The following NLGN1 variants were observed in gnomAD, a reference collection of about 807,000 sequenced individuals.
NLGN1 encodes the protein neuroligin 1.
A neutral mutation model predicts 65.5 loss-of-function variants in NLGN1; 12 were observed. That is an observed-to-expected ratio of 0.18 (90% CI 0.12 to 0.30). NLGN1 has a LOEUF of 0.30. Ranked by LOEUF, NLGN1 falls within the 10% of genes least tolerant of loss-of-function variation. The probability of loss-of-function intolerance (pLI) is 1.00; values close to 1 mark genes in which losing one functional copy is unlikely to be tolerated. For synonymous variants in NLGN1, 350 were observed against 359.5 expected, an observed-to-expected ratio of 0.97 and a Z score of 0.30; for missense variants, 750 against 1,007.1, an observed-to-expected ratio of 0.74 and a Z score of 3.46.
At chr3:173,775,148 GTATT>G (rs1780121795) in intron 3 of NLGN1, among the ~76,000 whole-genome samples, 1 of 151,938 alleles carries the variant, frequency 6.6e-6, no homozygotes, top group African/African-American at 2.4e-5. Flanking sequence ...TGTTTTCTGA[GTATT>G]TATAAGAAAT....
intron 2 of NLGN1, among the ~76,000 whole-genome samples, chr3:173,512,011 T>C (rs1437449753): frequency 6.6e-6 from 1 of 152,124 alleles, no homozygotes; most frequent in Non-Finnish European, 1.5e-5. Flanking sequence ...GGTGGAAGCA[T>C]GCAAACAAAC....
chr3:173,779,665 G>A (rs1409710955), intron 3 of NLGN1, among the ~76,000 whole-genome samples: 1 of 152,016 alleles, frequency 6.6e-6, no homozygotes, highest in African/African-American at 2.4e-5. Flanking sequence ...TGTTAATATG[G>A]TTTGAACTAA....
chr3:173,430,429 T>C (rs1716964645), intron 1 of NLGN1, among the ~76,000 whole-genome samples: 1 of 152,200 alleles, frequency 6.6e-6, no homozygotes, highest in Non-Finnish European at 1.5e-5. Flanking sequence ...GTCTCTAAGT[T>C]TGGAATTGTC....
chr3:173,404,039 A>G (rs1213241557), intron 1 of NLGN1, among the ~76,000 whole-genome samples: 1 of 152,118 alleles, frequency 6.6e-6, no homozygotes, highest in Non-Finnish European at 1.5e-5. Flanking sequence ...ATTTTTATGG[A>G]GATACATATT....
intron 4 of NLGN1, among the ~76,000 whole-genome samples, chr3:174,095,270 G>A (rs1745269499): frequency 6.7e-6 from 1 of 149,714 alleles, no homozygotes; most frequent in Non-Finnish European, 1.5e-5. Context: ...TAAATTATAT[G>A]GGTATGGAGC....
chr3:173,902,941 A>G (rs939024732), intron 4 of NLGN1, among the ~76,000 whole-genome samples: 5 of 152,130 alleles, frequency 3.3e-5, no homozygotes, highest in Non-Finnish European at 7.4e-5. Flanking sequence ...GAAACAGATA[A>G]ACACAATAAA....
At chr3:173,826,562 T>C (rs556428111) in intron 4 of NLGN1, among the ~76,000 whole-genome samples, 1 of 152,244 alleles carries the variant, frequency 6.6e-6, no homozygotes, top group Non-Finnish European at 1.5e-5. Context: ...TGAAGTTCCT[T>C]ATAAATAGTT....
chr3:173,401,395 G>GT lies in NLGN1; in HGVS notation c.-390+2915dup, dbSNP rs202080940. 8.9e-3 allele frequency among the ~76,000 whole-genome samples: 1,337 copies of GT among 150,834 alleles called. 14 individuals are homozygous for GT. Among genetic ancestry groups the GT allele is most frequent in the Middle Eastern group, 0.014 (4 of 294 alleles). On this transcript the variant is annotated intron_variant, in intron 1 of 6. Transcript: ENST00000457714. ...TTTTTTTTGTTTTGTTTTGTTTTTTGTTTTTTTCCCTGCATTATGGTGGTG... is the reference window on the plus strand; with the variant it reads ...TTTTTTTTGTTTTGTTTTGTTTTTTGTTTTTTTTCCCTGCATTATGGTGGTG...
At chr3:173,499,238 A>G (rs553524974) in intron 2 of NLGN1, among the ~76,000 whole-genome samples, 170 of 151,736 alleles carry the variant, frequency 1.1e-3, no homozygotes, top group Admixed American at 2.2e-3. Flanking sequence ...TGTATAAGGT[A>G]TAAGGAAGGG....
chr3:173,499,115 A>G (rs1019621249), intron 2 of NLGN1, among the ~76,000 whole-genome samples: 5 of 151,248 alleles, frequency 3.3e-5, no homozygotes, highest in African/African-American at 1.2e-4. Flanking sequence ...TGTTTTAGAC[A>G]TGAAGTCCTT....
At chr3:173,665,656 G>A (rs952870) in intron 3 of NLGN1, among the ~76,000 whole-genome samples, 492 of 152,136 alleles carry the variant, frequency 3.2e-3, no homozygotes, top group African/African-American at 0.011. Flanking sequence ...ATTCTATTGG[G>A]TATGTATTCA....
At chr3:173,606,059 C>T (rs1446618923) in intron 3 of NLGN1, among the ~76,000 whole-genome samples, 2 of 151,932 alleles carry the variant, frequency 1.3e-5, no homozygotes, top group African/African-American at 4.8e-5. Flanking sequence ...CTTTCTCATC[C>T]TAAGGATAAA....
intron 4 of NLGN1, among the ~76,000 whole-genome samples, chr3:173,929,939 G>C (rs1284210612): frequency 6.6e-6 from 1 of 151,852 alleles, no homozygotes; most frequent in Non-Finnish European, 1.5e-5. Flanking sequence ...CCCAACCTCA[G>C]GTGGATCCGC....
At chr3:173,772,074 T>A (rs1392561632) in intron 3 of NLGN1, among the ~76,000 whole-genome samples, 1 of 152,122 alleles carries the variant, frequency 6.6e-6, no homozygotes. Context: ...CATATTTTTA[T>A]TAGTCACATG....
At chr3:174,000,660 A>T (rs918279402) in intron 4 of NLGN1, among the ~76,000 whole-genome samples, 2 of 152,210 alleles carry the variant, frequency 1.3e-5, no homozygotes, top group Non-Finnish European at 2.9e-5. Flanking sequence ...ATAAAGCATC[A>T]AATGTGAAAG....
At chr3:173,720,984 C>T (rs1770740194) in intron 3 of NLGN1, among the ~76,000 whole-genome samples, 1 of 152,130 alleles carries the variant, frequency 6.6e-6, no homozygotes, top group Non-Finnish European at 1.5e-5. Context: ...GCTGATCAGG[C>T]AAAAAGTCAG....
intron 4 of NLGN1, among the ~76,000 whole-genome samples, chr3:174,088,758 AAAT>A (rs1743932864): frequency 2.1e-5 from 1 of 48,408 alleles, no homozygotes; most frequent in Admixed American, 1.7e-4. Context: ...ATCTCAATAA[AAAT>A]AAATAAATAA....
At chr3:173,905,170 G>C (rs549834043) in intron 4 of NLGN1, among the ~76,000 whole-genome samples, 1 of 152,270 alleles carries the variant, frequency 6.6e-6, no homozygotes, top group South Asian at 2.1e-4. Context: ...GCCATAGCAG[G>C]GTAGGGCCTT....
chr3:174,003,098 GT>G lies in NLGN1; in HGVS notation c.646+195268del, dbSNP rs567039293. 2.0e-4 allele frequency among the ~76,000 whole-genome samples: 30 copies of G among 152,166 alleles called. No individual in the cohort carries two copies. In the East Asian group the frequency reaches 5.6e-3, roughly 28 times the overall value. ...GTTAACTAGAAACAAGCTTATCTTT[GT>G]TCAGAGAGAATCTCACACTTTGAGG... On this transcript the variant is annotated intron_variant, in intron 4 of 6. Coordinates refer to ENST00000457714, the Ensembl canonical transcript of NLGN1.
Sources: allele counts gnomAD v4.1 joint callset (sites outside exome capture counted in the v4.1 genomes callset), GRCh38; gene constraint gnomAD v4.1.1; transcripts MANE v1.5; gene names NCBI Gene and HGNC (gene_info 2026-07-23, HGNC 2026-07-21).